EIF3D: variants seen among roughly 807,000 people sequenced by gnomAD.
EIF3D encodes eukaryotic translation initiation factor 3 subunit D.
Under a neutral mutation model 75.4 loss-of-function variants are expected in EIF3D, and 10 were observed. That is an observed-to-expected ratio of 0.13 (90% CI 0.08 to 0.22). EIF3D has a LOEUF of 0.22. Ranked by LOEUF, EIF3D falls within the 10% of genes least tolerant of loss-of-function variation. EIF3D has a pLI of 1.00. For missense variants in EIF3D, 394 were observed against 708.0 expected (o/e 0.56, Z 5.03); for synonymous variants, 246 against 248.3 (o/e 0.99, Z 0.09).
intron 6 of EIF3D, among the ~76,000 whole-genome samples, chr22:36,522,782 CCTT>C (rs1209802670): frequency 6.6e-6 from 1 of 152,084 alleles, no homozygotes. Flanking sequence ...TGCCTCATGC[CCTT>C]CTCTCAGGAA....
chr22:36,523,944 A>G lies in EIF3D; in HGVS notation c.343T>C (p.Leu115=), dbSNP rs768334221. ...LRRDKDRRNM[L]QFNLQILPKS... is the part of the protein sequence containing the mutation. ...GGCAGGATCTGCAGGTTGAACTGCA[A>G]CATGTTCCGACGATCTTTGTCTCTG... is the stretch of plus-strand genomic sequence containing the variant. Residue 115 remains leucine, a synonymous_variant, in exon 5 of 15, where the codon TTG becomes CTG. Transcript: ENST00000216190. 3 of 1,614,132 alleles carry G rather than the reference A, an allele frequency of 1.9e-6. No individual in the cohort carries two copies. Among genetic ancestry groups the G allele is most frequent in the Admixed American group, 1.7e-5 (1 of 60,012 alleles).
At chr22:36,519,262 T>C in intron 8 of EIF3D, 143 bp downstream of exon 8, 3 of 1,229,234 alleles carry the variant, frequency 2.4e-6, no homozygotes, top group Non-Finnish European at 3.4e-6. Flanking sequence ...GTGCTTAACA[T>C]CCACATTTCC....
At chr22:36,523,763 A>C (rs12170489) in intron 5 of EIF3D, 132 bp downstream of exon 5, 59,339 of 849,300 alleles carry the variant, frequency 0.07, 2,391 homozygotes, top group African/African-American at 0.14. Context: ...AAGGGGGCTT[A>C]ACTGGTTGTA....
chr22:36,512,663 C>A (rs1934358514), intron 12 of EIF3D, 61 bp from the exon 13 acceptor site: 15 of 1,563,118 alleles, frequency 9.6e-6, no homozygotes, highest in Non-Finnish European at 1.3e-5. Context: ...GTGCTGGGAC[C>A]TCCTCTGGCA....
At position 36,511,483 on chromosome 22, in the gene EIF3D, G is replaced by T. The variant is rs1289343323; in HGVS notation, c.1633+20C>A. 6.2e-7 allele frequency: 1 copy of T among 1,613,208 alleles called. No homozygotes were observed. Among genetic ancestry groups the T allele is most frequent in the Non-Finnish European group, 8.5e-7 (1 of 1,179,918 alleles). ...AGCCCACAGATCACTCTAGACCTCAGAAAGTGGGCTGCTACACACCTTCTT... is the reference window on the plus strand; with the variant it reads ...AGCCCACAGATCACTCTAGACCTCATAAAGTGGGCTGCTACACACCTTCTT... On this transcript the variant is annotated intron_variant, in intron 14 of 14. Coordinates refer to ENST00000216190, the MANE Select transcript of EIF3D (RefSeq NM_003753.4).
At position 36,521,869 on chromosome 22, in the gene EIF3D, G is replaced by A. The variant is rs368001424; in HGVS notation, c.466-1181C>T. Among the ~76,000 whole-genome samples, 17 of 151,924 alleles carry A rather than the reference G, an allele frequency of 1.1e-4. No homozygotes were observed. In the East Asian group the frequency reaches 1.2e-3, roughly 10 times the overall value. ...TGAGAATCACTTTAACCCGGGAGGC[G>A]GAGGTTGCAGTGAGCCAAGATCGCG... On this transcript the variant is annotated intron_variant, in intron 6 of 14. Transcript: ENST00000216190.
At chr22:36,524,862 A>G (rs1934571374) in intron 3 of EIF3D, 130 bp from the exon 4 acceptor site, 2 of 1,123,372 alleles carry the variant, frequency 1.8e-6, no homozygotes, top group Admixed American at 1.8e-5. Flanking sequence ...TGTTAGACAC[A>G]CAGACTCACA....
chr22:36,524,161 T>C (rs1934559573), intron 4 of EIF3D, among the ~76,000 whole-genome samples, 181 bp from the exon 5 acceptor site: 1 of 152,154 alleles, frequency 6.6e-6, no homozygotes, highest in African/African-American at 2.4e-5. Context: ...GTGCTTGGAC[T>C]TTGCTTAGAC....
chr22:36,522,086 G>A (rs780434349), intron 6 of EIF3D, among the ~76,000 whole-genome samples: 14 of 150,740 alleles, frequency 9.3e-5, no homozygotes, highest in Non-Finnish European at 1.5e-4. Context: ...AGGCGCAGTG[G>A]CTCATGGCTG....
chr22:36,518,980 G>T, intron 8 of EIF3D, 70 bp from the exon 9 acceptor site: 17 of 1,578,162 alleles, frequency 1.1e-5, no homozygotes, highest in Non-Finnish European at 1.1e-5. Context: ...ACATGGATGG[G>T]AAAGAACTCC....
At chr22:36,525,754 C>T (rs758344494) in intron 2 of EIF3D, 45 bp from the exon 3 acceptor site, 3 of 1,594,840 alleles carry the variant, frequency 1.9e-6, no homozygotes, top group Non-Finnish European at 2.6e-6. Context: ...GTCAACCAGG[C>T]AAGTTTCTGC....
intron 12 of EIF3D, among the ~76,000 whole-genome samples, chr22:36,514,484 G>T (rs1305019879): frequency 1.3e-5 from 2 of 152,182 alleles, no homozygotes; most frequent in South Asian, 4.2e-4. Context: ...ACACTACCTG[G>T]CTGGGCTCAC....
intron 5 of EIF3D, 83 bp downstream of exon 5, chr22:36,523,812 C>A: frequency 7.7e-7 from 1 of 1,302,624 alleles, no homozygotes; most frequent in Non-Finnish European, 1.1e-6. Flanking sequence ...GGGAATACAA[C>A]CATCCTCCTG....
At chr22:36,523,706 C>T (rs886289955) in intron 5 of EIF3D, among the ~76,000 whole-genome samples, 189 bp downstream of exon 5, 1 of 152,186 alleles carries the variant, frequency 6.6e-6, no homozygotes, top group African/African-American at 2.4e-5. Context: ...GAGTTAGTTT[C>T]CTGCCCATGC....
intron 8 of EIF3D, 30 bp downstream of exon 8, chr22:36,519,375 A>C: frequency 6.2e-7 from 1 of 1,612,774 alleles, no homozygotes; most frequent in East Asian, 2.2e-5. Flanking sequence ...ATTCCTAACA[A>C]GGGGGAGAGG....
In EIF3D at chr22:36,519,518, C is replaced by T. The variant is rs1004185481; in HGVS notation, c.598G>A (p.Glu200Lys). 2 of 1,614,146 alleles carry T rather than the reference C, an allele frequency of 1.2e-6. No homozygotes were observed. Among genetic ancestry groups the T allele is most frequent in the Non-Finnish European group, 1.7e-6 (2 of 1,180,030 alleles). ...PQDIECCGAL[E>K]YYDKAFDRIT... ...CGGTCAAAGGCTTTGTCGTAGTATT[C>T]TAGGGCCCCACAACACTCACTGTGG... The change falls in exon 8 of 15, where the codon GAA (glutamate) becomes AAA (lysine). Residue 200 changes from glutamate (E) to lysine (K), a missense_variant. By Grantham distance (56) the Glu-to-Lys change is moderately conservative. Coordinates refer to ENST00000216190, the MANE Select transcript of EIF3D (RefSeq NM_003753.4).
chr22:36,525,422 G>A (rs780797230), intron 3 of EIF3D, among the ~76,000 whole-genome samples: 23 of 151,904 alleles, frequency 1.5e-4, no homozygotes, highest in Non-Finnish European at 2.8e-4. Flanking sequence ...GTTTTCAACA[G>A]GTTTTTAAAA....
At chr22:36,518,164 A>G (rs1934456588) in intron 9 of EIF3D, among the ~76,000 whole-genome samples, 1 of 152,186 alleles carries the variant, frequency 6.6e-6, no homozygotes. Flanking sequence ...AAGGTATGCA[A>G]GATGGCAAAA....
Position 36,517,359 on chromosome 22 carries a change from T to C in EIF3D, c.932A>G (p.Asn311Ser). Residue 311 changes from asparagine (N) to serine (S), a missense_variant, in exon 10 of 15, where the codon AAC becomes AGC. Coordinates refer to ENST00000216190, the MANE Select transcript of EIF3D (RefSeq NM_003753.4). ...DEGNSFNSPR[N>S]LAMEATYINH... The stretch of plus-strand genomic sequence containing the variant: ...GATGTAGGTTGCCTCCATGGCCAGG[T>C]TGCGGGGTGAATTGAAGGAATTACC... The C allele has an allele frequency of 1.2e-6, 2 of 1,613,966 alleles. No individual in the cohort carries two copies. The highest frequency in any genetic ancestry group is 1.7e-6 in the Non-Finnish European group (2 of 1,179,936).
Sources: allele counts gnomAD v4.1 joint callset (sites outside exome capture counted in the v4.1 genomes callset), GRCh38; gene constraint gnomAD v4.1.1; transcripts MANE v1.5; gene names NCBI Gene and HGNC (gene_info 2026-07-23, HGNC 2026-07-21).